Variants in ZFPM2 observed in about 807,000 individuals in gnomAD.
ZFPM2 encodes the protein zinc finger protein ZFPM2.
A neutral mutation model predicts 98.6 loss-of-function variants in ZFPM2; 20 were observed. That is an observed-to-expected ratio of 0.20 (90% CI 0.14 to 0.29). The LOEUF is 0.29. Among genes scored for constraint, ZFPM2 ranks in the 10% least tolerant of loss-of-function variants. ZFPM2 has a pLI of 1.00. For missense variants in ZFPM2, 1,310 were observed against 1,388.6 expected (o/e 0.94, Z 0.90); for synonymous variants, 518 against 502.7 (o/e 1.03, Z -0.41).
intron 1 of ZFPM2, among the ~76,000 whole-genome samples, chr8:105,320,159 T>C (rs974196987): frequency 1.6e-4 from 24 of 152,098 alleles, no homozygotes; most frequent in African/African-American, 5.8e-4. Flanking sequence ...TTGAAAATTC[T>C]ATTTGGTGTA....
At chr8:105,697,689 T>C (rs1811051189) in intron 5 of ZFPM2, among the ~76,000 whole-genome samples, 2 of 152,198 alleles carry the variant, frequency 1.3e-5, no homozygotes, top group Admixed American at 6.5e-5. Context: ...AAATTAGATA[T>C]ATTTTTCTTA....
intron 4 of ZFPM2, among the ~76,000 whole-genome samples, chr8:105,615,917 T>C (rs1002273157): frequency 1.3e-5 from 2 of 152,110 alleles, no homozygotes; most frequent in Non-Finnish European, 2.9e-5. Flanking sequence ...GAAAACGGCA[T>C]GGTGTTCTTA....
chr8:105,360,159 C>T (rs1305544522), intron 1 of ZFPM2, among the ~76,000 whole-genome samples: 1 of 152,100 alleles, frequency 6.6e-6, no homozygotes, highest in Non-Finnish European at 1.5e-5. Context: ...AGGCTGTTTT[C>T]CTGAAGGACA....
chr8:105,351,604 C>A (rs1352254266), intron 1 of ZFPM2, among the ~76,000 whole-genome samples: 1 of 152,130 alleles, frequency 6.6e-6, no homozygotes, highest in East Asian at 1.9e-4. Context: ...TTTGCTTGAG[C>A]AGATGAGAAT....
At chr8:105,506,998 A>AC (rs1460757054) in intron 3 of ZFPM2, among the ~76,000 whole-genome samples, 2 of 151,936 alleles carry the variant, frequency 1.3e-5, no homozygotes, top group African/African-American at 4.8e-5. Flanking sequence ...CAAAAAAAAA[A>AC]AAAAAACAAA....
chr8:105,705,986 A>G (rs1219915151), intron 5 of ZFPM2, among the ~76,000 whole-genome samples: 2 of 152,194 alleles, frequency 1.3e-5, no homozygotes, highest in African/African-American at 4.8e-5. Context: ...TCACTTTCAC[A>G]TGCACCATAC....
intron 5 of ZFPM2, among the ~76,000 whole-genome samples, chr8:105,648,867 T>C (rs1397868612): frequency 8.5e-5 from 13 of 152,200 alleles, no homozygotes. Context: ...GCGGGCTCTT[T>C]TTTGGTTCCA....
In ZFPM2 at chr8:105,617,020, GAAAAAAAAAAAAAAAAAAAAA is replaced by G. The variant is rs773023421; in HGVS notation, c.421-17206_421-17186del. On this transcript the variant is annotated intron_variant, in intron 4 of 7. Coordinates refer to ENST00000407775, the MANE Select transcript of ZFPM2 (RefSeq NM_012082.4). ...GGACTACTGAGCAAGACTCTGTCTC[GAAAAAAAAAAAAAAAAAAAAA>G]AAAAAAAAAAAAAAAAAAAGATCCA... Among the ~76,000 whole-genome samples the G allele has an allele frequency of 2.3e-3, 65 of 28,134 alleles. No individual in the cohort carries two copies. In the South Asian group the frequency reaches 0.061, roughly 26 times the overall value. The allele number at this position is 28,134 out of a possible 152,430, so 18.5% of individuals were successfully genotyped here.
chr8:105,336,715 CACACACACACACACAG>C, intron 1 of ZFPM2, among the ~76,000 whole-genome samples: 1 of 151,248 alleles, frequency 6.6e-6, no homozygotes, highest in African/African-American at 2.4e-5. Context: ...CACACACACA[CACACACACACACACAG>C]ACATATACAT....
intron 3 of ZFPM2, among the ~76,000 whole-genome samples, chr8:105,521,363 A>G (rs946396065): frequency 6.7e-6 from 1 of 148,740 alleles, no homozygotes; most frequent in African/African-American, 2.4e-5. Flanking sequence ...AAGGATGAGA[A>G]TATTTCAGTG....
chr8:105,556,162 A>G (rs1314779071), intron 3 of ZFPM2, among the ~76,000 whole-genome samples: 1 of 152,190 alleles, frequency 6.6e-6, no homozygotes, highest in East Asian at 1.9e-4. Flanking sequence ...TGTAGAATGA[A>G]TTGAGGCTGG....
chr8:105,653,632 C>T (rs1817224381), intron 5 of ZFPM2, among the ~76,000 whole-genome samples: 1 of 152,044 alleles, frequency 6.6e-6, no homozygotes, highest in Non-Finnish European at 1.5e-5. Flanking sequence ...AAGCCAGGGT[C>T]TAGTGATTAC....
At chr8:105,773,658 GATAA>G (rs1430396051) in intron 5 of ZFPM2, among the ~76,000 whole-genome samples, 7 of 148,288 alleles carry the variant, frequency 4.7e-5, no homozygotes, top group South Asian at 2.1e-4. Context: ...AGAGAAAAAA[GATAA>G]ATAAAATAAA....
At chr8:105,490,216 C>T (rs1325371784) in intron 3 of ZFPM2, among the ~76,000 whole-genome samples, 4 of 151,934 alleles carry the variant, frequency 2.6e-5, no homozygotes, top group African/African-American at 9.7e-5. Flanking sequence ...CACTGCACTC[C>T]AGCATGGGAG....
chr8:105,414,370 G>T (rs1811637164), intron 1 of ZFPM2, among the ~76,000 whole-genome samples: 1 of 151,904 alleles, frequency 6.6e-6, no homozygotes, highest in Non-Finnish European at 1.5e-5. Context: ...GAAGTGCTTT[G>T]AATTTACCTG....
chr8:105,463,749 A>AT lies in ZFPM2; in HGVS notation c.301+19377dup, dbSNP rs530129718. Among the ~76,000 whole-genome samples, 386 of 151,246 alleles carry AT rather than the reference A, an allele frequency of 2.6e-3. 2 individuals carry two copies. The highest frequency in any genetic ancestry group is 0.018 in the South Asian group (84 of 4,750). ...ATTTTCTATCTTCTAAGGCTGTTACATTTTTTTTTCCCAAAAAGGAAGATA... is the reference window on the plus strand; with the variant it reads ...ATTTTCTATCTTCTAAGGCTGTTACATTTTTTTTTTCCCAAAAAGGAAGATA... On this transcript the variant is annotated intron_variant, in intron 3 of 7. Coordinates refer to ENST00000407775, the MANE Select transcript of ZFPM2 (RefSeq NM_012082.4).
At chr8:105,798,155 A>AAAAT (rs1392965634) in intron 6 of ZFPM2, 4 of 152,294 alleles carry the variant, frequency 2.6e-5, no homozygotes, top group African/African-American at 9.6e-5. Flanking sequence ...AATACAATTT[A>AAAAT]AAATAAATAT....
At chr8:105,537,723 CT>C (rs1035697965) in intron 3 of ZFPM2, among the ~76,000 whole-genome samples, 81 of 151,742 alleles carry the variant, frequency 5.3e-4, no homozygotes, top group Non-Finnish European at 4.4e-5. Flanking sequence ...TATATTTTTT[CT>C]TTTTTCTTCT....
Position 105,801,121 on chromosome 8 carries a change from G to C in ZFPM2, c.1039G>C (p.Val347Leu). Residue 347 changes from valine to leucine, a missense_variant, in exon 8 of 8, where the codon GTG (valine) becomes CTG (leucine). Val to Leu is a conservative substitution (Grantham distance 32, BLOSUM62 1). Coordinates refer to ENST00000407775, the MANE Select transcript of ZFPM2 (RefSeq NM_012082.4). ...CGTCTGTAGCTACACTGCTGATTCC[G>C]TGATCAACTTTCACCAACACCTGTT... ...CTVCSYTADS[V>L]INFHQHLFSH... 1.9e-6 allele frequency: 3 copies of C among 1,613,876 alleles called. No individual in the cohort carries two copies. Among genetic ancestry groups the C allele is most frequent in the South Asian group, 2.2e-5 (2 of 91,080 alleles).
Sources: allele counts gnomAD v4.1 joint callset (sites outside exome capture counted in the v4.1 genomes callset), GRCh38; gene constraint gnomAD v4.1.1; transcripts MANE v1.5; gene names NCBI Gene and HGNC (gene_info 2026-07-23, HGNC 2026-07-21).